Variants in HCFC1 observed in about 807,000 individuals in gnomAD.
HCFC1 encodes the protein host cell factor 1.
HCFC1 carries 7 observed loss-of-function variants against 105.5 expected under a neutral mutation model. The observed-to-expected ratio is 0.07, with a 90% CI of 0.04 to 0.12. The LOEUF (loss-of-function observed/expected upper bound fraction) is 0.12, where lower values mean the gene tolerates loss of function less well. Ranked by LOEUF, HCFC1 falls within the 10% of genes least tolerant of loss-of-function variation. HCFC1 has a pLI of 1.00. For missense variants in HCFC1, 1,065 were observed against 1,823.6 expected, an observed-to-expected ratio of 0.58 and a Z score of 7.58; for synonymous variants, 918 against 828.1, an observed-to-expected ratio of 1.11 and a Z score of -1.86.
At chrX:153,970,211 C>G (rs1358570972) in intron 1 of HCFC1, 1 of 110,171 alleles carries the variant, frequency 9.1e-6, no homozygotes, top group Admixed American at 1.0e-4. Context: ...CACATCCGCC[C>G]GCCCCAGCCC....
Position 153,953,589 on chromosome X carries a change from G to A in HCFC1, c.4497+18C>T, listed in dbSNP as rs374478922. ...AGGCCGGGAAGGCGGGGAAGAACACGGCCCCCTGGGCTCTTACCGGCACAG... is the reference window on the plus strand; with the variant it reads ...AGGCCGGGAAGGCGGGGAAGAACACAGCCCCCTGGGCTCTTACCGGCACAG... On this transcript the variant is annotated intron_variant, in intron 18 of 25. Coordinates refer to ENST00000310441, the MANE Select transcript of HCFC1 (RefSeq NM_005334.3). 27 of 1,199,553 alleles carry A rather than the reference G, an allele frequency of 2.3e-5. No homozygotes were observed. The highest frequency in any genetic ancestry group is 8.9e-5 in the East Asian group (3 of 33,633).
chrX:153,951,701 G>A lies in HCFC1; in HGVS notation c.5267C>T (p.Ala1756Val), dbSNP rs1422594028. 14 of 1,204,895 alleles carry A rather than the reference G, an allele frequency of 1.2e-5. No homozygotes were observed. The highest frequency in any genetic ancestry group is 3.0e-5 in the East Asian group (1 of 33,646). ...GGGGGCCACAAATGTGTTGGATGGAGCCAGGCCTAGGAAGAAAGAAGGTGT... is the reference window on the plus strand; with the variant it reads ...GGGGGCCACAAATGTGTTGGATGGAACCAGGCCTAGGAAGAAAGAAGGTGT... Reference protein sequence around the residue: ...LLPSTATESLAPSNTFVAPQP... With the variant: ...LLPSTATESLVPSNTFVAPQP... The change falls in exon 21 of 26, where the codon GCT becomes GTT. Residue 1756 changes from alanine (A) to valine (V), a missense_variant. Ala to Val is a moderately conservative substitution (Grantham distance 64). Coordinates refer to ENST00000310441, the MANE Select transcript of HCFC1 (RefSeq NM_005334.3).
At chrX:153,968,976 T>C (rs56232651) in intron 1 of HCFC1, among the ~76,000 whole-genome samples, 4 of 112,095 alleles carry the variant, frequency 3.6e-5, no homozygotes, top group Non-Finnish European at 7.5e-5. Flanking sequence ...CGGGGGCTGC[T>C]GAGAAAGGCC....
chrX:153,949,624 G>A lies in HCFC1; in HGVS notation c.6005-8C>T. The A allele has an allele frequency of 8.3e-7, 1 of 1,200,562 alleles. No individual in the cohort carries two copies. The highest frequency in any genetic ancestry group is 1.1e-6 in the Non-Finnish European group (1 of 885,042). ...AGCTGTCTTTACTGGTTTCTGGAAG[G>A]AACGGGAGAGATGCGTGAGCAGCAT... On this transcript the variant is annotated splice_polypyrimidine_tract_variant and splice_region_variant and intron_variant, in intron 24 of 25. Coordinates refer to ENST00000310441, the MANE Select transcript of HCFC1 (RefSeq NM_005334.3).
At chrX:153,960,194 G>A in intron 7 of HCFC1, 33 bp from the exon 8 acceptor site, 2 of 1,193,793 alleles carry the variant, frequency 1.7e-6, no homozygotes, top group African/African-American at 1.7e-5. Context: ...AGAAGGGGCG[G>A]GAGGCTATGG....
chrX:153,969,299 T>C (rs1304725731), intron 1 of HCFC1: 1 of 107,344 alleles, frequency 9.3e-6, no homozygotes, highest in African/African-American at 3.4e-5. Flanking sequence ...TCAGCGAGGG[T>C]TTGTCTGCAG....
Position 153,971,151 on chromosome X carries a change from G to A in HCFC1, c.-311C>T, listed in dbSNP as rs1212132335. On this transcript the variant is annotated 5_prime_UTR_variant, in exon 1 of 26. Transcript: ENST00000310441. ...GGCGCTCCCGCTTACAAGCTCGGGC[G>A]GGAGGCCCTGGGAGCCGCCATCTTG... is the stretch of plus-strand genomic sequence containing the variant. 1 of 342,532 alleles carries A rather than the reference G, an allele frequency of 2.9e-6. No individual in the cohort carries two copies. Among genetic ancestry groups the A allele is most frequent in the Non-Finnish European group, 5.0e-6 (1 of 200,384 alleles). 28.2% of individuals were successfully genotyped at this position (342,532 alleles called of 1,213,427 possible).
intron 16 of HCFC1, 125 bp from the exon 17 acceptor site, chrX:153,955,667 G>GT (rs2065368284): frequency 1.2e-5 from 8 of 678,045 alleles, no homozygotes; most frequent in South Asian, 6.2e-5. Context: ...CCTGGCAGAC[G>GT]TAAGACCCAC....
At chrX:153,952,188 A>C (rs1255531239) in intron 19 of HCFC1, 30 bp from the exon 20 acceptor site, 1 of 1,084,723 alleles carries the variant, frequency 9.2e-7, no homozygotes, top group Non-Finnish European at 1.2e-6. Flanking sequence ...AACACTACTT[A>C]CTAGGAAGGC....
rs1557115458 is a variant in HCFC1, at chrX:153,957,544, G to A, written c.2134-11C>T. Reference sequence around the variant, plus strand: ...CAGGGGCCCTTTGGTCTGAAAGGGGGAAGCAGGTGCATGAGCCGGCATCAC... The same window carrying A: ...CAGGGGCCCTTTGGTCTGAAAGGGGAAAGCAGGTGCATGAGCCGGCATCAC... On this transcript the variant is annotated splice_polypyrimidine_tract_variant and intron_variant, in intron 12 of 25. Coordinates refer to ENST00000310441, the MANE Select transcript of HCFC1 (RefSeq NM_005334.3). The A allele has an allele frequency of 7.8e-6, 9 of 1,155,594 alleles. No individual in the cohort carries two copies. The highest frequency in any genetic ancestry group is 1.1e-5 in the Non-Finnish European group (9 of 849,975).
intron 8 of HCFC1, 77 bp from the exon 9 acceptor site, chrX:153,959,568 C>T (rs1353564079): frequency 1.8e-6 from 2 of 1,121,973 alleles, no homozygotes; most frequent in Admixed American, 2.5e-5. Context: ...CAGCCCTGAG[C>T]CACTTCTGTT....
In HCFC1 at chrX:153,971,642, T is replaced by A; in HGVS notation, c.-802A>T. On this transcript the variant is annotated 5_prime_UTR_variant, in exon 1 of 26. The change creates a new upstream start codon in the 5' untranslated region. Coordinates refer to ENST00000310441, the MANE Select transcript of HCFC1 (RefSeq NM_005334.3). ...TATTCTCTTCCTCCTAGGTCAGTTC[T>A]TCCACTGCACACCAAACTCAAGGCG... 2 of 295,918 alleles carry A rather than the reference T, an allele frequency of 6.8e-6. No individual in the cohort carries two copies. Among genetic ancestry groups the A allele is most frequent in the Non-Finnish European group, 1.2e-5 (2 of 169,116 alleles). 24.4% of individuals were successfully genotyped at this position (295,918 alleles called of 1,213,427 possible). A position where few individuals can be genotyped will look rare whatever the true frequency, so the allele number is the denominator to read the frequency against.
intron 1 of HCFC1, 46 bp from the exon 2 acceptor site, chrX:153,964,772 A>G (rs1442290325): frequency 5.5e-6 from 6 of 1,094,125 alleles, no homozygotes; most frequent in Non-Finnish European, 7.2e-6. Flanking sequence ...GGGAGCCCCC[A>G]TTCCTCTCAT....
intron 4 of HCFC1, 104 bp downstream of exon 4, chrX:153,963,121 C>G: frequency 1.7e-6 from 1 of 598,393 alleles, no homozygotes; most frequent in Non-Finnish European, 2.8e-6. Context: ...TGCTCCAGCT[C>G]CCTAAGAGCC....
In HCFC1 at chrX:153,948,507, A is replaced by G. The variant is rs1241745269; in HGVS notation, c.*840T>C. 8 of 113,024 alleles carry G rather than the reference A, an allele frequency of 7.1e-5. No individual in the cohort carries two copies. The Admixed American group carries it at 7.5e-4, about 11-fold the overall frequency. 9.3% of individuals were successfully genotyped at this position (113,024 alleles called of 1,213,427 possible). On this transcript the variant is annotated 3_prime_UTR_variant, in exon 26 of 26. Coordinates refer to ENST00000310441, the MANE Select transcript of HCFC1 (RefSeq NM_005334.3). ...TAAAAAAACAAAAACAAAACAAAAC[A>G]AAACAAAAAAAAGAGAAAAGAAAAA... is the stretch of plus-strand genomic sequence containing the variant.
rs1385055789 is a variant in HCFC1, at chrX:153,947,723, G to A, written c.*1624C>T. The stretch of plus-strand genomic sequence containing the variant: ...GGATGGGGTAAAACAACAGGACCAG[G>A]TGAGTGGGCTCCAAGGTGACTAAAC... On this transcript the variant is annotated 3_prime_UTR_variant, in exon 26 of 26. Coordinates refer to ENST00000310441, the MANE Select transcript of HCFC1 (RefSeq NM_005334.3). 1 of 111,537 alleles carries A rather than the reference G, an allele frequency of 9.0e-6. No homozygotes were observed. The highest frequency in any genetic ancestry group is 1.9e-5 in the Non-Finnish European group (1 of 53,015). 9.2% of individuals were successfully genotyped at this position (111,537 alleles called of 1,213,427 possible). A position where few individuals can be genotyped will look rare whatever the true frequency, so the allele number is the denominator to read the frequency against.
At chrX:153,969,361 C>G (rs1490600392) in intron 1 of HCFC1, 1 of 110,729 alleles carries the variant, frequency 9.0e-6, no homozygotes, top group Non-Finnish European at 1.9e-5. Context: ...AGAACGGCCG[C>G]GGAGCAAGGG....
intron 5 of HCFC1, 96 bp downstream of exon 5, chrX:153,962,126 G>T: frequency 1.6e-6 from 1 of 634,010 alleles, no homozygotes; most frequent in Non-Finnish European, 2.5e-6. Flanking sequence ...GCATCCTCAG[G>T]CCTTAGGGTC....
intron 3 of HCFC1, 32 bp downstream of exon 3, chrX:153,964,092 G>T (rs782433100): frequency 8.6e-7 from 1 of 1,160,703 alleles, no homozygotes; most frequent in Non-Finnish European, 1.2e-6. Flanking sequence ...ACACCCACCC[G>T]GGGGGTTCCA....
Sources: allele counts gnomAD v4.1 joint callset (sites outside exome capture counted in the v4.1 genomes callset), GRCh38; gene constraint gnomAD v4.1.1; transcripts MANE v1.5; gene names NCBI Gene and HGNC (gene_info 2026-07-23, HGNC 2026-07-21).